OXCT1: variants seen among roughly 807,000 people sequenced by gnomAD.
OXCT1 encodes 3-oxoacid CoA-transferase 1, also known as succinyl-CoA:3-ketoacid coenzyme A transferase 1, mitochondrial.
OXCT1 carries 27 observed loss-of-function variants against 69.6 expected under a neutral mutation model. That is an observed-to-expected ratio of 0.39 (90% CI 0.29 to 0.54). The LOEUF (loss-of-function observed/expected upper bound fraction) is 0.54, where lower values mean the gene tolerates loss of function less well. Among genes scored for constraint, OXCT1 ranks in the 20% least tolerant of loss-of-function variants. The probability of loss-of-function intolerance (pLI) is 0.72; values close to 1 mark genes in which losing one functional copy is unlikely to be tolerated. For synonymous variants in OXCT1, 202 were observed against 217.8 expected, an observed-to-expected ratio of 0.93 and a Z score of 0.64; for missense variants, 437 against 650.2, an observed-to-expected ratio of 0.67 and a Z score of 3.57.
intron 13 of OXCT1, among the ~76,000 whole-genome samples, chr5:41,790,982 T>C (rs1214022046): frequency 6.6e-6 from 1 of 152,208 alleles, no homozygotes; most frequent in African/African-American, 2.4e-5. Context: ...TTTTAAGTAA[T>C]AGAGCATTAC....
chr5:41,866,927 A>T (rs183815813), intron 1 of OXCT1, among the ~76,000 whole-genome samples: 1 of 152,342 alleles, frequency 6.6e-6, no homozygotes, highest in Admixed American at 6.5e-5. Flanking sequence ...CCACATGAGT[A>T]AGAGTTCAGC....
Position 41,805,549 on chromosome 5 carries a change from C to G in OXCT1, c.955+18G>C. ...CAAAGGCTATGTCTTTGCCCGGGCT[C>G]AGAAGGATAAAGGATACCATACATG... is the stretch of plus-strand genomic sequence containing the variant. On this transcript the variant is annotated intron_variant, in intron 9 of 16. Transcript: ENST00000196371. 1 of 1,554,942 alleles carries G rather than the reference C, an allele frequency of 6.4e-7. No homozygotes were observed. The highest frequency in any genetic ancestry group is 8.9e-7 in the Non-Finnish European group (1 of 1,126,486).
At chr5:41,823,287 C>A (rs1342658445) in intron 7 of OXCT1, among the ~76,000 whole-genome samples, 1 of 152,168 alleles carries the variant, frequency 6.6e-6, no homozygotes, top group Non-Finnish European at 1.5e-5. Context: ...TTTCCCCCCT[C>A]CCCTTGCCAG....
At chr5:41,861,468 T>C (rs1749736170) in intron 2 of OXCT1, 64 bp from the exon 3 acceptor site, 4 of 947,852 alleles carry the variant, frequency 4.2e-6, no homozygotes, top group Non-Finnish European at 6.9e-6. Flanking sequence ...CAGAGAAGTG[T>C]GTGTTATTCT....
At chr5:41,735,125 CAA>C (rs1418430332) in intron 16 of OXCT1, among the ~76,000 whole-genome samples, 3 of 152,252 alleles carry the variant, frequency 2.0e-5, no homozygotes, top group African/African-American at 7.2e-5. Context: ...AGCAGAATGT[CAA>C]AGAGATATTT....
intron 13 of OXCT1, among the ~76,000 whole-genome samples, chr5:41,774,244 T>C (rs879463634): frequency 2.6e-5 from 4 of 152,156 alleles, no homozygotes; most frequent in Admixed American, 2.6e-4. Context: ...CTTAGGAAAA[T>C]GGTCTAAAAT....
At chr5:41,861,246 T>C (rs1749718438) in intron 3 of OXCT1, 68 bp downstream of exon 3, 3 of 1,015,636 alleles carry the variant, frequency 3.0e-6, no homozygotes, top group Non-Finnish European at 3.1e-6. Context: ...ATTTCATTGA[T>C]AAACTCTGTT....
chr5:41,791,682 A>T (rs905263826), intron 13 of OXCT1, among the ~76,000 whole-genome samples: 8 of 152,340 alleles, frequency 5.3e-5, no homozygotes, highest in Admixed American at 4.6e-4. Context: ...GAGCAAATTG[A>T]TTTCAAAAAT....
intron 15 of OXCT1, among the ~76,000 whole-genome samples, chr5:41,744,913 T>A (rs1468486680): frequency 6.6e-6 from 1 of 151,888 alleles, no homozygotes; most frequent in Non-Finnish European, 1.5e-5. Flanking sequence ...GAGCACCCAG[T>A]CCTTAGAGAC....
At chr5:41,795,608 CAAAT>C (rs543269525) in intron 11 of OXCT1, among the ~76,000 whole-genome samples, 2 of 152,042 alleles carry the variant, frequency 1.3e-5, no homozygotes, top group Non-Finnish European at 2.9e-5. Context: ...TTTTAATCAA[CAAAT>C]AACTTCAGTG....
chr5:41,767,463 A>G (rs1015693632), intron 13 of OXCT1, among the ~76,000 whole-genome samples: 1 of 151,848 alleles, frequency 6.6e-6, no homozygotes, highest in African/African-American at 2.4e-5. Flanking sequence ...TCAAATTTTT[A>G]TTTTAATAAG....
chr5:41,816,260 T>C (rs1235235017), intron 7 of OXCT1, among the ~76,000 whole-genome samples: 1 of 152,176 alleles, frequency 6.6e-6, no homozygotes, highest in Non-Finnish European at 1.5e-5. Context: ...CCATGTTTGT[T>C]TTCCCTGATT....
intron 1 of OXCT1, chr5:41,869,899 A>C: frequency 3.0e-6 from 1 of 337,336 alleles, no homozygotes; most frequent in Non-Finnish European, 5.8e-6. Flanking sequence ...CTAAACCTCC[A>C]TATACTGGCG....
intron 16 of OXCT1, among the ~76,000 whole-genome samples, chr5:41,737,924 A>G (rs1742970118): frequency 6.6e-6 from 1 of 152,108 alleles, no homozygotes; most frequent in African/African-American, 2.4e-5. Flanking sequence ...GCGTGGCGGC[A>G]TGTGCCTGTA....
chr5:41,747,053 C>T (rs1743529107), intron 15 of OXCT1, among the ~76,000 whole-genome samples: 1 of 152,116 alleles, frequency 6.6e-6, no homozygotes, highest in African/African-American at 2.4e-5. Flanking sequence ...TACATAAAAG[C>T]TTACAGTGTT....
chr5:41,817,383 T>C (rs945190733), intron 7 of OXCT1, among the ~76,000 whole-genome samples: 2 of 152,314 alleles, frequency 1.3e-5, no homozygotes, highest in South Asian at 2.1e-4. Context: ...AGTTGAACTG[T>C]AAATGAAGCC....
intron 13 of OXCT1, among the ~76,000 whole-genome samples, chr5:41,784,935 C>G (rs984688791): frequency 1.3e-5 from 2 of 152,042 alleles, no homozygotes; most frequent in Non-Finnish European, 2.9e-5. Context: ...CTAAATATAC[C>G]TTTAGTCTGA....
At chr5:41,839,548 T>C (rs1040427650) in intron 7 of OXCT1, among the ~76,000 whole-genome samples, 1 of 152,186 alleles carries the variant, frequency 6.6e-6, no homozygotes, top group Non-Finnish European at 1.5e-5. Flanking sequence ...GAAAGTAACA[T>C]ATACTTCAGC....
intron 15 of OXCT1, among the ~76,000 whole-genome samples, chr5:41,745,259 A>G (rs1246231582): frequency 6.6e-6 from 1 of 151,886 alleles, no homozygotes; most frequent in Non-Finnish European, 1.5e-5. Context: ...ACTCAAAACC[A>G]CTCAACTACA....
Sources: allele counts gnomAD v4.1 joint callset (sites outside exome capture counted in the v4.1 genomes callset), GRCh38; gene constraint gnomAD v4.1.1; transcripts MANE v1.5; gene names NCBI Gene and HGNC (gene_info 2026-07-23, HGNC 2026-07-21).